The following AGBL4 variants were observed in gnomAD, a reference collection of about 807,000 sequenced individuals.
The protein encoded by AGBL4 is cytosolic carboxypeptidase 6.
Under a neutral mutation model 66.4 loss-of-function variants are expected in AGBL4, and 58 were observed. That is an observed-to-expected ratio of 0.87 (90% CI 0.71 to 1.09). The LOEUF (loss-of-function observed/expected upper bound fraction) is 1.09, where lower values mean the gene tolerates loss of function less well. AGBL4 is among the 50% of genes least tolerant of loss of function. The probability of loss-of-function intolerance (pLI) is 0.00; values close to 1 mark genes in which losing one functional copy is unlikely to be tolerated. For synonymous variants in AGBL4, 234 were observed against 222.9 expected, an observed-to-expected ratio of 1.05 and a Z score of -0.44; for missense variants, 579 against 631.0, an observed-to-expected ratio of 0.92 and a Z score of 0.88.
intron 3 of AGBL4, among the ~76,000 whole-genome samples, chr1:49,299,182 G>T (rs1420829105): frequency 6.6e-6 from 1 of 152,090 alleles, no homozygotes; most frequent in Admixed American, 6.5e-5. Context: ...CTTGGCATAG[G>T]TTATAAAGCT....
At chr1:49,773,947 T>A (rs1644130683) in intron 2 of AGBL4, among the ~76,000 whole-genome samples, 1 of 152,130 alleles carries the variant, frequency 6.6e-6, no homozygotes, top group Non-Finnish European at 1.5e-5. Context: ...ACAGCTGGAG[T>A]ATTGGTGCTG....
intron 3 of AGBL4, among the ~76,000 whole-genome samples, chr1:49,556,254 T>A (rs1204159159): frequency 6.6e-6 from 1 of 151,960 alleles, no homozygotes; most frequent in Non-Finnish European, 1.5e-5. Flanking sequence ...CTGGAAACCA[T>A]CATTCTCAGC....
chr1:48,940,526 C>T (rs934885248), intron 5 of AGBL4, among the ~76,000 whole-genome samples: 4 of 152,164 alleles, frequency 2.6e-5, no homozygotes, highest in Non-Finnish European at 2.9e-5. Context: ...TTGTAGGCTA[C>T]AAGTAGTGTT....
intron 1 of AGBL4, among the ~76,000 whole-genome samples, chr1:49,916,307 A>C (rs1651484467): frequency 6.6e-6 from 1 of 152,206 alleles, no homozygotes; most frequent in Admixed American, 6.5e-5. Context: ...GGAAGTTCGA[A>C]CCCATCACAA....
chr1:49,307,223 T>A (rs1644863448), intron 3 of AGBL4, among the ~76,000 whole-genome samples: 1 of 152,044 alleles, frequency 6.6e-6, no homozygotes, highest in African/African-American at 2.4e-5. Context: ...GAAACCACTG[T>A]CTCCACCACT....
intron 4 of AGBL4, among the ~76,000 whole-genome samples, chr1:49,085,338 C>G (rs931206645): frequency 1.3e-5 from 2 of 151,824 alleles, no homozygotes; most frequent in African/African-American, 2.4e-5. Flanking sequence ...GGCCTTTGGA[C>G]TTACACTGGG....
intron 6 of AGBL4, among the ~76,000 whole-genome samples, chr1:48,690,108 A>G (rs1328113898): frequency 6.6e-6 from 1 of 152,238 alleles, no homozygotes; most frequent in Non-Finnish European, 1.5e-5. Context: ...GGAGCCCATC[A>G]CATGGCCCAG....
intron 3 of AGBL4, among the ~76,000 whole-genome samples, chr1:49,693,444 T>C (rs1259493565): frequency 6.6e-6 from 1 of 152,128 alleles, no homozygotes; most frequent in East Asian, 1.9e-4. Flanking sequence ...AACAGAAAAT[T>C]GTCTGTGATA....
At chr1:49,193,736 T>C (rs112701439) in intron 4 of AGBL4, among the ~76,000 whole-genome samples, 1,720 of 152,092 alleles carry the variant, frequency 0.011, 28 homozygotes, top group African/African-American at 0.03. Flanking sequence ...GGTTTCACCA[T>C]GTTAGCCATG....
At chr1:49,419,593 A>C (rs1645499788) in intron 3 of AGBL4, among the ~76,000 whole-genome samples, 1 of 152,220 alleles carries the variant, frequency 6.6e-6, no homozygotes, top group Non-Finnish European at 1.5e-5. Context: ...TGAAATCTCA[A>C]GTAGTCCCAT....
intron 3 of AGBL4, among the ~76,000 whole-genome samples, chr1:49,626,064 T>A (rs1645457902): frequency 6.6e-6 from 1 of 152,180 alleles, no homozygotes; most frequent in Non-Finnish European, 1.5e-5. Flanking sequence ...ATTGAGAGTG[T>A]TAATGTGTGG....
At chr1:49,026,664 A>G (rs1456924672) in intron 5 of AGBL4, among the ~76,000 whole-genome samples, 2 of 152,180 alleles carry the variant, frequency 1.3e-5, no homozygotes, top group African/African-American at 2.4e-5. Flanking sequence ...GCACAGTCAA[A>G]CATAATGACT....
rs560329567 is a variant in AGBL4 at position 48,813,106 on chromosome 1, A to T, written c.634+54085T>A. Among the ~76,000 whole-genome samples the T allele has an allele frequency of 7.2e-5, 11 of 152,242 alleles. No homozygotes were observed. The South Asian group carries it at 2.3e-3, about 32-fold the overall frequency. On this transcript the variant is annotated intron_variant, in intron 6 of 13. Coordinates refer to ENST00000371839, the MANE Select transcript of AGBL4 (RefSeq NM_032785.4). ...GCACATGTACCCTAAAACTTAAAGTATAATAATAATAAAAAAAATGGAGTG... is the reference window on the plus strand; with the variant it reads ...GCACATGTACCCTAAAACTTAAAGTTTAATAATAATAAAAAAAATGGAGTG...
intron 1 of AGBL4, among the ~76,000 whole-genome samples, chr1:49,879,521 G>A (rs879861047): frequency 0.078 from 11,371 of 144,958 alleles, 324 homozygotes; most frequent in African/African-American, 0.14. Context: ...GGTTTCTGCC[G>A]AGAGATCCGC....
chr1:49,738,451 C>A (rs1044628733), intron 2 of AGBL4, among the ~76,000 whole-genome samples: 1 of 152,166 alleles, frequency 6.6e-6, no homozygotes, highest in Non-Finnish European at 1.5e-5. Context: ...AGGAGGCCTC[C>A]CTGCCTCTGT....
At chr1:49,523,849 T>C (rs532018243) in intron 3 of AGBL4, among the ~76,000 whole-genome samples, 1 of 152,170 alleles carries the variant, frequency 6.6e-6, no homozygotes, top group African/African-American at 2.4e-5. Context: ...GTGGGTAGGG[T>C]TCATGCCTGT....
chr1:49,036,042 A>G (rs1557583410), intron 5 of AGBL4, among the ~76,000 whole-genome samples: 3 of 151,978 alleles, frequency 2.0e-5, no homozygotes, highest in East Asian at 1.9e-4. Flanking sequence ...GATGCCATCA[A>G]TTGTACTCCA....
intron 3 of AGBL4, among the ~76,000 whole-genome samples, chr1:49,354,557 C>T (rs1643979528): frequency 6.6e-6 from 1 of 152,174 alleles, no homozygotes; most frequent in African/African-American, 2.4e-5. Flanking sequence ...GAGATCTTAT[C>T]CATTCTCTTG....
chr1:48,956,559 G>A (rs1019819994), intron 5 of AGBL4, among the ~76,000 whole-genome samples: 2 of 152,168 alleles, frequency 1.3e-5, no homozygotes, highest in African/African-American at 2.4e-5. Context: ...CTGGGGAAGG[G>A]AGACTCAGAG....
Sources: allele counts gnomAD v4.1 joint callset (sites outside exome capture counted in the v4.1 genomes callset), GRCh38; gene constraint gnomAD v4.1.1; transcripts MANE v1.5; gene names NCBI Gene and HGNC (gene_info 2026-07-23, HGNC 2026-07-21).